The following KAT6B variants were observed in gnomAD, a reference collection of about 807,000 sequenced individuals.
KAT6B encodes lysine acetyltransferase 6B.
In KAT6B, 10 loss-of-function variants were observed where a neutral mutation model predicts 187.5. That is an observed-to-expected ratio of 0.05 (90% CI 0.03 to 0.09). The LOEUF (loss-of-function observed/expected upper bound fraction) is 0.09, where lower values mean the gene tolerates loss of function less well. Among genes scored for constraint, KAT6B ranks in the 10% least tolerant of loss-of-function variants. The pLI, the probability that KAT6B is intolerant of heterozygous loss-of-function variation, is 1.00. For synonymous variants in KAT6B, 861 were observed against 926.8 expected (o/e 0.93, Z 1.29); for missense variants, 1,952 against 2,558.9 (o/e 0.76, Z 5.12).
intron 13 of KAT6B, among the ~76,000 whole-genome samples, chr10:75,015,002 C>T (rs1844881894): frequency 6.6e-6 from 1 of 152,198 alleles, no homozygotes; most frequent in Non-Finnish European, 1.5e-5. Context: ...AACTCGGGTA[C>T]ATCAGAATCA....
chr10:74,825,927 C>G (rs1173646120), upstream of KAT6B, among the ~76,000 whole-genome samples: 2 of 90,052 alleles, frequency 2.2e-5, no homozygotes, highest in Admixed American at 1.5e-4. This position sits in a 1 kb window ranked among gnomAD's most constrained non-coding sequence, Gnocchi z 5.0. Context: ...CGGGACGGGA[C>G]GGGAGAGAGG....
At chr10:74,983,542 A>C (rs766919663) in intron 11 of KAT6B, 1 of 152,162 alleles carries the variant, frequency 6.6e-6, no homozygotes, top group African/African-American at 2.4e-5. Flanking sequence ...TTTTCTTCCA[A>C]CCAAAACATT....
At chr10:74,936,667 G>A (rs553300835) in intron 3 of KAT6B, among the ~76,000 whole-genome samples, 1 of 152,190 alleles carries the variant, frequency 6.6e-6, no homozygotes, top group Non-Finnish European at 1.5e-5. Context: ...ATATATCAAT[G>A]TGTGGTTTTT....
chr10:74,853,678 A>C (rs1589476592), intron 3 of KAT6B, among the ~76,000 whole-genome samples: 1 of 131,296 alleles, frequency 7.6e-6, no homozygotes, highest in Non-Finnish European at 1.5e-5. Context: ...CCCAGGCTGG[A>C]GTGTAGTGGC....
intron 13 of KAT6B, among the ~76,000 whole-genome samples, chr10:75,013,361 T>A (rs920494445): frequency 2.0e-5 from 3 of 152,002 alleles, no homozygotes; most frequent in African/African-American, 7.3e-5. Flanking sequence ...AGGCAGAATT[T>A]TTTTTCATAG....
intron 3 of KAT6B, among the ~76,000 whole-genome samples, chr10:74,846,461 AT>A (rs2132111868): frequency 6.6e-6 from 1 of 151,780 alleles, no homozygotes; most frequent in African/African-American, 2.4e-5. Flanking sequence ...TTTTTTTGAG[AT>A]GGAGTCTTGC....
In KAT6B at chr10:75,025,204, G is replaced by A. The variant is rs776212877; in HGVS notation, c.3619G>A (p.Glu1207Lys). 3 of 1,614,190 alleles carry A rather than the reference G, an allele frequency of 1.9e-6. No individual in the cohort carries two copies. Among genetic ancestry groups the A allele is most frequent in the South Asian group, 2.2e-5 (2 of 91,078 alleles). Residue 1207 changes from glutamate to lysine, a missense_variant, in exon 17 of 18, where the codon GAA becomes AAA. By Grantham distance (56) the Glu-to-Lys change is moderately conservative. Transcript: ENST00000287239. ...PGKKRQTEEE[E>K]GKDNHCFKNA... is the part of the protein sequence containing the mutation. ...GAAGAAAAGACAAACAGAGGAAGAG[G>A]AAGGAAAAGACAATCATTGCTTCAA...
At chr10:74,924,578 C>T (rs1848356997) in intron 3 of KAT6B, among the ~76,000 whole-genome samples, 3 of 152,196 alleles carry the variant, frequency 2.0e-5, no homozygotes, top group South Asian at 2.1e-4. Context: ...GAGAAAGGGA[C>T]GTTACCCCTG....
Position 74,946,629 on chromosome 10 carries a change from A to T in KAT6B, c.622-13341A>T, listed in dbSNP as rs527487212. 2.0e-3 allele frequency among the ~76,000 whole-genome samples: 304 copies of T among 152,290 alleles called. 1 individual carries two copies. Among genetic ancestry groups the T allele is most frequent in the Non-Finnish European group, 3.6e-3 (244 of 68,024 alleles). ...GTGGAGAGTGGAAGAAGCCCTACAT[A>T]AAAAAATCATAGTGTCTGAGTCCAC... On this transcript the variant is annotated intron_variant, in intron 3 of 17. Coordinates refer to ENST00000287239, the MANE Select transcript of KAT6B (RefSeq NM_012330.4).
At chr10:74,941,354 T>C (rs1400091213) in intron 3 of KAT6B, among the ~76,000 whole-genome samples, 1 of 152,216 alleles carries the variant, frequency 6.6e-6, no homozygotes, top group Admixed American at 6.5e-5. Flanking sequence ...AGAACCAACA[T>C]TTTCTGCCAA....
chr10:74,908,514 C>T (rs959676827), intron 3 of KAT6B, among the ~76,000 whole-genome samples: 11 of 144,508 alleles, frequency 7.6e-5, no homozygotes, highest in African/African-American at 2.8e-4. Context: ...GCCGAAATTG[C>T]ACTCCAGCCT....
At chr10:74,925,896 C>G (rs944412978) in intron 3 of KAT6B, among the ~76,000 whole-genome samples, 1 of 151,690 alleles carries the variant, frequency 6.6e-6, no homozygotes, top group Non-Finnish European at 1.5e-5. Flanking sequence ...CCAGAGCAGT[C>G]GGCAGAACAG....
rs574178760 is a variant in KAT6B, at chr10:74,834,813, C to T, written c.-328-3870C>T. 2.0e-5 allele frequency among the ~76,000 whole-genome samples: 3 copies of T among 152,332 alleles called. No individual in the cohort carries two copies. In the South Asian group the frequency reaches 6.2e-4, roughly 32 times the overall value. On this transcript the variant is annotated intron_variant, in intron 1 of 17. Transcript: ENST00000287239. ...GGGATTAGAGGCATGAGCCATTGTG[C>T]CTGGCCCAACTTAATTTCTTTATCC...
chr10:74,835,320 A>G (rs1476522045), intron 1 of KAT6B, among the ~76,000 whole-genome samples: 2 of 152,318 alleles, frequency 1.3e-5, no homozygotes, highest in East Asian at 3.9e-4. Context: ...TCCATCCTCC[A>G]CGTGGTTTCA....
chr10:75,021,787 G>C (rs1241162006), intron 15 of KAT6B, 94 bp from the exon 16 acceptor site: 3 of 1,384,094 alleles, frequency 2.2e-6, no homozygotes, highest in Non-Finnish European at 3.0e-6. Flanking sequence ...GTCCTGATCA[G>C]AACCGACTTA....
intron 4 of KAT6B, among the ~76,000 whole-genome samples, chr10:74,966,338 G>T (rs1551068): frequency 0.13 from 19,771 of 152,142 alleles, 2,104 homozygotes; most frequent in South Asian, 0.28. Flanking sequence ...TCTCTAGGTC[G>T]GTACCCCTAG....
chr10:74,964,964 A>G (rs1459378700), intron 4 of KAT6B, among the ~76,000 whole-genome samples: 1 of 152,168 alleles, frequency 6.6e-6, no homozygotes, highest in Non-Finnish European at 1.5e-5. Context: ...TAATGACCTC[A>G]ATCTAGGCTT....
At chr10:74,984,309 C>T (rs1250842881) in intron 11 of KAT6B, 1 of 152,190 alleles carries the variant, frequency 6.6e-6, no homozygotes, top group Admixed American at 6.5e-5. Context: ...TATCCATTTC[C>T]CTTAAGAAAA....
chr10:74,915,776 T>A (rs1402890384), intron 3 of KAT6B, among the ~76,000 whole-genome samples: 3 of 152,222 alleles, frequency 2.0e-5, no homozygotes, highest in Non-Finnish European at 4.4e-5. Flanking sequence ...CCAGTTGAAA[T>A]CCACAGCTCC....
Sources: allele counts gnomAD v4.1 joint callset (sites outside exome capture counted in the v4.1 genomes callset), GRCh38; gene constraint gnomAD v4.1.1; non-coding constraint Gnocchi (gnomAD v3.1); transcripts MANE v1.5; gene names NCBI Gene and HGNC (gene_info 2026-07-23, HGNC 2026-07-21).